Variants in SECISBP2 observed in about 807,000 individuals in gnomAD.
The protein encoded by SECISBP2 is selenocysteine insertion sequence-binding protein 2.
SECISBP2 carries 96 observed loss-of-function variants against 98.2 expected under a neutral mutation model. The ratio of observed to expected loss-of-function variants is 0.98; its 90% CI spans 0.83 to 1.16. SECISBP2 has a LOEUF of 1.16. SECISBP2 is among the 50% of genes most tolerant of loss of function. SECISBP2 has a pLI of 0.00. For missense variants in SECISBP2, 1,046 were observed against 1,022.9 expected (o/e 1.02, Z -0.31); for synonymous variants, 407 against 370.2 (o/e 1.10, Z -1.14).
rs763532091 is a variant in SECISBP2, at chr9:89,357,426, CT to C, written c.2132del (p.Leu711CysfsTer28). The C allele has an allele frequency of 6.2e-7, 1 of 1,614,164 alleles. No homozygotes were observed. On this transcript the variant is annotated frameshift_variant, in exon 15 of 17. Transcript: ENST00000375807. LOFTEE classifies it high-confidence loss of function. ...CTTTGACCAGGTGGGCTGGATGACA[CT>C]TTGCACACAATTATTGATTATGCCT... ...KIQSKGGLDD[T>X]LHTIIDYACE...
At position 89,347,062 on chromosome 9, in the gene SECISBP2, T is replaced by G. The variant is rs1479962037; in HGVS notation, c.1602+14T>G. 4 of 1,612,822 alleles carry G rather than the reference T, an allele frequency of 2.5e-6. No individual in the cohort carries two copies. In the Admixed American group the frequency reaches 5.0e-5, roughly 20 times the overall value. On this transcript the variant is annotated intron_variant, in intron 11 of 16. Coordinates refer to ENST00000375807, the MANE Select transcript of SECISBP2 (RefSeq NM_024077.5). ...TCACTGAAGAAGGTATGTGGGGTGTTTCAGCCGAAGTGAGGCACTAGAAAA... is the reference window on the plus strand; with the variant it reads ...TCACTGAAGAAGGTATGTGGGGTGTGTCAGCCGAAGTGAGGCACTAGAAAA...
intron 7 of SECISBP2, among the ~76,000 whole-genome samples, chr9:89,336,098 T>TTTTTTTTTTTTTTTTTTTTTTTTTTC (rs1554720217): frequency 1.4e-5 from 2 of 138,616 alleles, no homozygotes; most frequent in Non-Finnish European, 3.1e-5. Flanking sequence ...TTTTTTTTTT[T>TTTTTTTTTTTTTTTTTTTTTTTTTTC]TTTTTTTTTT....
chr9:89,318,914 G>A, intron 1 of SECISBP2: 1 of 1,227,300 alleles, frequency 8.1e-7, no homozygotes, highest in Non-Finnish European at 1.0e-6. Context: ...GGACTCTGGC[G>A]AGCTTCCCGC....
intron 5 of SECISBP2, 48 bp from the exon 6 acceptor site, chr9:89,332,860 G>A: frequency 7.0e-7 from 1 of 1,437,250 alleles, no homozygotes; most frequent in Non-Finnish European, 9.8e-7. Context: ...TTATCTCCTT[G>A]TTTTAATTTG....
chr9:89,362,577 C>T, downstream of SECISBP2: 3 of 1,395,330 alleles, frequency 2.2e-6, no homozygotes, highest in Middle Eastern at 2.0e-4. Flanking sequence ...TCTAAAGATC[C>T]AAATGCCAGG....
intron 4 of SECISBP2, among the ~76,000 whole-genome samples, chr9:89,326,885 T>A (rs1826796366): frequency 6.6e-6 from 1 of 152,104 alleles, no homozygotes; most frequent in Admixed American, 6.5e-5. Flanking sequence ...ATAGAAAAGG[T>A]ACAGCGGTGG....
intron 7 of SECISBP2, among the ~76,000 whole-genome samples, chr9:89,335,359 G>A (rs1273604937): frequency 6.6e-6 from 1 of 151,962 alleles, no homozygotes; most frequent in Non-Finnish European, 1.5e-5. Context: ...TTTTTAGATG[G>A]GGTCTCACTG....
At chr9:89,333,872 G>C (rs1326462000) in intron 6 of SECISBP2, among the ~76,000 whole-genome samples, 2 of 152,190 alleles carry the variant, frequency 1.3e-5, no homozygotes, top group Non-Finnish European at 2.9e-5. Context: ...GTATGTGGTT[G>C]AGTAATGGTC....
Position 89,350,789 on chromosome 9 carries a change from C to G in SECISBP2, c.2050C>G (p.Leu684Val). Residue 684 changes from leucine to valine, a missense_variant, in exon 14 of 17, where the codon CTG becomes GTG. By Grantham distance (32) the Leu-to-Val change is conservative. Coordinates refer to ENST00000375807, the MANE Select transcript of SECISBP2 (RefSeq NM_024077.5). Reference protein sequence around the residue: ...VLGLREVLKHLKLKKLKCVII... With the variant: ...VLGLREVLKHVKLKKLKCVII... ...GGGGTTGAGGGAGGTTCTCAAACAC[C>G]TGAAGCTCAAAAAACTGAAATGTGT... The G allele has an allele frequency of 6.2e-7, 1 of 1,614,160 alleles. No homozygotes were observed. The highest frequency in any genetic ancestry group is 8.5e-7 in the Non-Finnish European group (1 of 1,180,028).
At chr9:89,362,614 G>A (rs1248305848), downstream of SECISBP2, among the ~76,000 whole-genome samples, 1 of 152,236 alleles carries the variant, frequency 6.6e-6, no homozygotes, top group Non-Finnish European at 1.5e-5. Flanking sequence ...GTGACAGGAA[G>A]GCAGAGCAGC....
intron 10 of SECISBP2, among the ~76,000 whole-genome samples, chr9:89,342,389 T>C (rs1423707946): frequency 6.6e-6 from 1 of 152,142 alleles, no homozygotes; most frequent in Non-Finnish European, 1.5e-5. Flanking sequence ...TACTTAACAA[T>C]GCTCAATGCA....
At chr9:89,328,561 T>C (rs1827171686) in intron 4 of SECISBP2, 99 bp from the exon 5 acceptor site, 1 of 855,744 alleles carries the variant, frequency 1.2e-6, no homozygotes, top group Admixed American at 1.9e-5. Flanking sequence ...ACCTGTTGCA[T>C]CAATAGCAAT....
chr9:89,345,471 C>G (rs908723808), intron 10 of SECISBP2, among the ~76,000 whole-genome samples: 1 of 152,202 alleles, frequency 6.6e-6, no homozygotes, highest in Non-Finnish European at 1.5e-5. Flanking sequence ...CACCTGAAGG[C>G]TACTCATCTT....
At chr9:89,327,305 T>C (rs375940077) in intron 4 of SECISBP2, among the ~76,000 whole-genome samples, 6 of 152,394 alleles carry the variant, frequency 3.9e-5, no homozygotes, top group African/African-American at 1.4e-4. Context: ...TACTGTACAC[T>C]GTTGGAGACG....
At position 89,333,766 on chromosome 9, in the gene SECISBP2, T is replaced by A. The variant is rs75925011; in HGVS notation, c.881-756T>A. 6.9e-3 allele frequency among the ~76,000 whole-genome samples: 1,059 copies of A among 152,374 alleles called. 16 individuals are homozygous for A. Among genetic ancestry groups the A allele is most frequent in the African/African-American group, 0.024 (1,000 of 41,590 alleles). The stretch of plus-strand genomic sequence containing the variant: ...GAGAGTTCCATGTACCCTGCTTTGA[T>A]ATTTTTACAGTAGCTTGTCCTAACA... On this transcript the variant is annotated intron_variant, in intron 6 of 16. Coordinates refer to ENST00000375807, the MANE Select transcript of SECISBP2 (RefSeq NM_024077.5).
chr9:89,346,873 G>A lies in SECISBP2; in HGVS notation c.1436-9G>A. ...GTGACCGTGAGGGCTTTGTCCCACTGCGTTTCAGTTGGAGCAGTGCCAGTC... is the reference window on the plus strand; with the variant it reads ...GTGACCGTGAGGGCTTTGTCCCACTACGTTTCAGTTGGAGCAGTGCCAGTC... On this transcript the variant is annotated splice_polypyrimidine_tract_variant and intron_variant, in intron 10 of 16. Coordinates refer to ENST00000375807, the MANE Select transcript of SECISBP2 (RefSeq NM_024077.5). 2 of 1,613,826 alleles carry A rather than the reference G, an allele frequency of 1.2e-6. No individual in the cohort carries two copies. Among genetic ancestry groups the A allele is most frequent in the Non-Finnish European group, 1.7e-6 (2 of 1,180,004 alleles).
rs145715159 is a variant in SECISBP2 at position 89,344,021 on chromosome 9, G to A, written c.1435+2542G>A. Reference sequence around the variant, plus strand: ...CTTCGTTGTAGCCATTCTGACTGATGTGAGATGGTATCTCATTGTGGTTTT... The same window carrying A: ...CTTCGTTGTAGCCATTCTGACTGATATGAGATGGTATCTCATTGTGGTTTT... On this transcript the variant is annotated intron_variant, in intron 10 of 16. Coordinates refer to ENST00000375807, the MANE Select transcript of SECISBP2 (RefSeq NM_024077.5). Among the ~76,000 whole-genome samples the A allele has an allele frequency of 9.6e-3, 1,455 of 152,294 alleles. 15 individuals carry two copies. The highest frequency in any genetic ancestry group is 0.024 in the African/African-American group (997 of 41,560).
In SECISBP2 at chr9:89,347,932, C is replaced by A. The variant is rs1830672345; in HGVS notation, c.1603-147C>A. On this transcript the variant is annotated intron_variant, in intron 11 of 16. Transcript: ENST00000375807. ...ACCAGCGGGGAGGGTTGGGTGAGCT[C>A]CCTGGAGTCTGGGGAGCACTTGGCT... 3 of 762,074 alleles carry A rather than the reference C, an allele frequency of 3.9e-6. No homozygotes were observed. In the East Asian group the frequency reaches 8.1e-5, roughly 20 times the overall value. The allele number at this position is 762,074 out of a possible 1,614,324, so 47.2% of individuals were successfully genotyped here. A position where few individuals can be genotyped will look rare whatever the true frequency, so the allele number is the denominator to read the frequency against.
intron 3 of SECISBP2, 67 bp downstream of exon 3, chr9:89,325,743 T>C: frequency 6.2e-7 from 1 of 1,607,866 alleles, no homozygotes; most frequent in Non-Finnish European, 8.5e-7. Context: ...TGTAAAGAAA[T>C]GGTAAATTTG....
Sources: allele counts gnomAD v4.1 joint callset (sites outside exome capture counted in the v4.1 genomes callset), GRCh38; gene constraint gnomAD v4.1.1; transcripts MANE v1.5; gene names NCBI Gene and HGNC (gene_info 2026-07-23, HGNC 2026-07-21).